Variants in CLEC16A observed in about 807,000 individuals in gnomAD.
CLEC16A encodes the protein protein CLEC16A.
Under a neutral mutation model 109.5 loss-of-function variants are expected in CLEC16A, and 51 were observed. That is an observed-to-expected ratio of 0.47 (90% CI 0.37 to 0.59). The LOEUF is 0.59. Among genes scored for constraint, CLEC16A ranks in the 20% least tolerant of loss-of-function variants. The pLI, the probability that CLEC16A is intolerant of heterozygous loss-of-function variation, is 0.00. For synonymous variants in CLEC16A, 673 were observed against 564.2 expected (o/e 1.19, Z -2.73); for missense variants, 1,339 against 1,394.0 (o/e 0.96, Z 0.63).
At chr16:11,176,165 C>G (rs1340241772) in intron 23 of CLEC16A, among the ~76,000 whole-genome samples, 1 of 152,246 alleles carries the variant, frequency 6.6e-6, no homozygotes, top group African/African-American at 2.4e-5. Context: ...GCAGGCAGAT[C>G]GTGCTAGGTC....
intron 11 of CLEC16A, among the ~76,000 whole-genome samples, chr16:11,010,786 G>A (rs1036212110): frequency 6.6e-6 from 1 of 152,128 alleles, no homozygotes; most frequent in Non-Finnish European, 1.5e-5. Flanking sequence ...CCGTTGTCAC[G>A]CCTCCAGCCT....
chr16:11,013,152 A>T (rs577319728), intron 11 of CLEC16A, among the ~76,000 whole-genome samples: 1 of 152,234 alleles, frequency 6.6e-6, no homozygotes, highest in Non-Finnish European at 1.5e-5. Flanking sequence ...GACTCCACAT[A>T]GACGGTGGCC....
chr16:11,034,166 C>G (rs1377667402), intron 13 of CLEC16A, among the ~76,000 whole-genome samples: 3 of 152,214 alleles, frequency 2.0e-5, no homozygotes, highest in Non-Finnish European at 4.4e-5. Context: ...GGAGAACTTG[C>G]ACAACGTCAG....
At chr16:11,086,059 T>G (rs944256432) in intron 19 of CLEC16A, among the ~76,000 whole-genome samples, 53 of 152,366 alleles carry the variant, frequency 3.5e-4, no homozygotes, top group African/African-American at 1.3e-3. Flanking sequence ...ATGAAGTGTG[T>G]GGAGCGCAGA....
At chr16:10,972,852 T>A in intron 6 of CLEC16A, 86 bp from the exon 7 acceptor site, 2 of 1,412,954 alleles carry the variant, frequency 1.4e-6, no homozygotes, top group South Asian at 1.5e-5. Context: ...GGTTTTTGGG[T>A]TTTGCTTTGT....
chr16:11,050,025 T>G (rs2047853369), intron 17 of CLEC16A, among the ~76,000 whole-genome samples: 1 of 152,218 alleles, frequency 6.6e-6, no homozygotes, highest in South Asian at 2.1e-4. Context: ...TATAACAGAA[T>G]ACCACAGACT....
intron 10 of CLEC16A, among the ~76,000 whole-genome samples, chr16:10,996,285 C>T (rs2044323684): frequency 6.6e-6 from 1 of 152,198 alleles, no homozygotes; most frequent in South Asian, 2.1e-4. Flanking sequence ...AGGCTACTGG[C>T]TGGCCGGGGA....
chr16:10,959,631 A>T lies in CLEC16A; in HGVS notation c.209+1721A>T, dbSNP rs540298439. Among the ~76,000 whole-genome samples, 10 of 152,204 alleles carry T rather than the reference A, an allele frequency of 6.6e-5. No individual in the cohort carries two copies. In the South Asian group the frequency reaches 2.1e-3, roughly 32 times the overall value. On this transcript the variant is annotated intron_variant, in intron 2 of 23. Transcript: ENST00000409790. ...GGTCTCAAACTCCTGACCTCAGGTG[A>T]TCCACCAGCCTCAGGTTCCCTAAGT...
At chr16:11,011,911 A>G (rs1334854429) in intron 11 of CLEC16A, among the ~76,000 whole-genome samples, 1 of 151,868 alleles carries the variant, frequency 6.6e-6, no homozygotes, top group African/African-American at 2.4e-5. Flanking sequence ...AACAACGTCT[A>G]CTCACTGATT....
In CLEC16A at chr16:11,178,566, T is replaced by G. The variant is rs1159375345; in HGVS notation, c.3038T>G (p.Val1013Gly). 1 of 1,612,046 alleles carries G rather than the reference T, an allele frequency of 6.2e-7. No individual in the cohort carries two copies. The highest frequency in any genetic ancestry group is 8.5e-7 in the Non-Finnish European group (1 of 1,179,790). Residue 1013 changes from valine (V) to glycine (G), a missense_variant, in exon 24 of 24, where the codon GTT (valine) becomes GGT (glycine). Physicochemically the swap from Val to Gly is moderately radical, Grantham distance 109. This residue lies in a region of CLEC16A where 1,061 missense variants were observed against 1,006.8 expected (regional missense o/e 1.05). Coordinates refer to ENST00000409790, the MANE Select transcript of CLEC16A (RefSeq NM_015226.3). This position sits in a 1 kb window ranked among gnomAD's most constrained non-coding sequence, Gnocchi z 6.5. ...GAATCGCTGACCCTTGTCCCCCCAG[T>G]TGACCCCCACAGCCTCCGCAGCCTC... The part of the protein sequence containing the change: ...SVESLTLVPP[V>G]DPHSLRSLTG...
chr16:10,963,100 G>T (rs1169992222), intron 3 of CLEC16A, among the ~76,000 whole-genome samples: 1 of 152,122 alleles, frequency 6.6e-6, no homozygotes, highest in Admixed American at 6.6e-5. Context: ...TTGCCAGCAG[G>T]GTTGGTTTCT....
At chr16:11,072,594 G>T (rs2152927841) in intron 19 of CLEC16A, among the ~76,000 whole-genome samples, 1 of 152,322 alleles carries the variant, frequency 6.6e-6, no homozygotes, top group Non-Finnish European at 1.5e-5. Flanking sequence ...CTCCTGCTGT[G>T]TGACCTTGGA....
At chr16:10,969,404 G>A (rs1596800148) in intron 4 of CLEC16A, 95 bp downstream of exon 4, 3 of 881,444 alleles carry the variant, frequency 3.4e-6, no homozygotes, top group Admixed American at 3.5e-5. Context: ...GGATGGTCTT[G>A]TGTCTGTTTA....
intron 23 of CLEC16A, among the ~76,000 whole-genome samples, chr16:11,177,104 G>A (rs946156040): frequency 4.6e-5 from 7 of 152,174 alleles, no homozygotes; most frequent in Non-Finnish European, 2.9e-5. Context: ...AGCACCTCCC[G>A]CCATGGCTTG....
At chr16:11,114,603 G>C (rs997796257) in intron 19 of CLEC16A, among the ~76,000 whole-genome samples, 6 of 152,190 alleles carry the variant, frequency 3.9e-5, no homozygotes, top group Non-Finnish European at 5.9e-5. Context: ...AGGGTGGGCC[G>C]AGTTGGATTC....
At chr16:11,156,559 C>T (rs1325338368) in intron 22 of CLEC16A, 5 of 1,301,738 alleles carry the variant, frequency 3.8e-6, no homozygotes, top group East Asian at 5.6e-5. Context: ...CGCCTTCCTC[C>T]TGCTGCCGTT....
chr16:11,129,367 C>G (rs566268617), intron 22 of CLEC16A, among the ~76,000 whole-genome samples: 1 of 152,288 alleles, frequency 6.6e-6, no homozygotes, highest in South Asian at 2.1e-4. Flanking sequence ...AAAAATTGAT[C>G]TTGCACATTT....
intron 11 of CLEC16A, among the ~76,000 whole-genome samples, chr16:11,015,906 T>C (rs950182921): frequency 6.6e-6 from 1 of 152,228 alleles, no homozygotes; most frequent in Non-Finnish European, 1.5e-5. Flanking sequence ...TGCCACGTCC[T>C]CTGCCTCATG....
chr16:11,091,963 T>TC, intron 19 of CLEC16A, among the ~76,000 whole-genome samples: 1 of 152,270 alleles, frequency 6.6e-6, no homozygotes, highest in Middle Eastern at 3.4e-3. Context: ...TCAGAAGGCT[T>TC]CCCCGTCGGC....
Sources: gnomAD v4.1 joint callset for allele counts (sites outside exome capture counted in the v4.1 genomes callset) on GRCh38, gnomAD v4.1.1 for gene constraint, gnomAD v4.1.1 regional missense constraint, Gnocchi (gnomAD v3.1) non-coding constraint, MANE v1.5 for transcripts, NCBI Gene and HGNC (gene_info 2026-07-23, HGNC 2026-07-21) for gene names.